RBFOX3: variants seen among roughly 807,000 people sequenced by gnomAD.
RBFOX3 encodes the protein RNA binding protein fox-1 homolog 3.
A neutral mutation model predicts 48.7 loss-of-function variants in RBFOX3; 17 were observed. That is an observed-to-expected ratio of 0.35 (90% CI 0.24 to 0.52). The LOEUF is 0.52. Among genes scored for constraint, RBFOX3 ranks in the 20% least tolerant of loss-of-function variants. The pLI is 0.94. For missense variants in RBFOX3, 382 were observed against 497.5 expected, an observed-to-expected ratio of 0.77 and a Z score of 2.21; for synonymous variants, 212 against 209.5, an observed-to-expected ratio of 1.01 and a Z score of -0.10.
chr17:79,497,884 G>A (rs1432528889), intron 1 of RBFOX3, among the ~76,000 whole-genome samples: 1 of 152,182 alleles, frequency 6.6e-6, no homozygotes, highest in African/African-American at 2.4e-5. Context: ...GGCTACTGCA[G>A]GACTCCAGGA....
intron 3 of RBFOX3, among the ~76,000 whole-genome samples, chr17:79,239,588 C>T (rs1292479804): frequency 6.6e-6 from 1 of 152,250 alleles, no homozygotes; most frequent in Non-Finnish European, 1.5e-5. Flanking sequence ...GACGGCGGGG[C>T]ACTGCACAAC....
chr17:79,415,774 CA>C (rs773536840), intron 2 of RBFOX3, among the ~76,000 whole-genome samples: 73 of 152,228 alleles, frequency 4.8e-4, no homozygotes, highest in Non-Finnish European at 7.5e-4. Flanking sequence ...CTGGGGGAGG[CA>C]GAGTCTGTGT....
chr17:79,533,619 G>T (rs868911605), intron 1 of RBFOX3, among the ~76,000 whole-genome samples: 1 of 152,222 alleles, frequency 6.6e-6, no homozygotes, highest in African/African-American at 2.4e-5. Context: ...GATACCCCGC[G>T]ATGGGGAAGG....
At chr17:79,444,289 G>C (rs1364351704) in intron 2 of RBFOX3, among the ~76,000 whole-genome samples, 1 of 152,090 alleles carries the variant, frequency 6.6e-6, no homozygotes, top group African/African-American at 2.4e-5. Context: ...GTGGGTTGGG[G>C]GCCAGCAAGA....
chr17:79,610,620 G>A (rs1425837067), intron 1 of RBFOX3, among the ~76,000 whole-genome samples: 2 of 151,846 alleles, frequency 1.3e-5, no homozygotes, highest in African/African-American at 2.4e-5. Context: ...AGGGACCCAG[G>A]GACCCCGACC....
intron 2 of RBFOX3, among the ~76,000 whole-genome samples, chr17:79,351,505 G>T (rs1239051397): frequency 6.6e-6 from 1 of 152,132 alleles, no homozygotes; most frequent in Non-Finnish European, 1.5e-5. Flanking sequence ...CTTCAATCTT[G>T]CTGTCTTTTC....
At chr17:79,269,364 C>T (rs2067270257) in intron 3 of RBFOX3, among the ~76,000 whole-genome samples, 3 of 152,124 alleles carry the variant, frequency 2.0e-5, no homozygotes, top group Admixed American at 2.0e-4. Flanking sequence ...ATTACGGTGG[C>T]CCCAGGAAAC....
At chr17:79,129,460 G>A (rs914711416) in intron 4 of RBFOX3, among the ~76,000 whole-genome samples, 1 of 103,898 alleles carries the variant, frequency 9.6e-6, no homozygotes, top group African/African-American at 3.2e-5. Context: ...GTGGGCAGCA[G>A]GACAACGCTC....
At chr17:79,104,364 C>T (rs541494206) in intron 6 of RBFOX3, among the ~76,000 whole-genome samples, 1 of 152,214 alleles carries the variant, frequency 6.6e-6, no homozygotes, top group South Asian at 2.1e-4. Flanking sequence ...CAAGAGGGTC[C>T]TTGGTGTGGT....
intron 3 of RBFOX3, among the ~76,000 whole-genome samples, chr17:79,266,243 G>A (rs1015887097): frequency 1.3e-5 from 2 of 152,178 alleles, no homozygotes; most frequent in Non-Finnish European, 2.9e-5. Context: ...CAGCTGATGT[G>A]GGAGCCTGGA....
intron 3 of RBFOX3, among the ~76,000 whole-genome samples, chr17:79,253,605 TTGCTGCTTCCAGGAGG>T (rs2064321441): frequency 6.6e-6 from 1 of 152,138 alleles, no homozygotes; most frequent in Non-Finnish European, 1.5e-5. Context: ...CAGCCCTGAG[TTGCTGCTTCCAGGAGG>T]TGCTGCTGGT....
intron 1 of RBFOX3, among the ~76,000 whole-genome samples, chr17:79,574,983 G>A (rs1158517313): frequency 6.6e-6 from 1 of 152,216 alleles, no homozygotes; most frequent in African/African-American, 2.4e-5. Context: ...CTGGTCCAAG[G>A]ATCGCACTTT....
intron 12 of RBFOX3, among the ~76,000 whole-genome samples, chr17:79,096,272 C>G (rs2075236711): frequency 6.6e-6 from 1 of 152,168 alleles, no homozygotes; most frequent in Non-Finnish European, 1.5e-5. Flanking sequence ...CCCAGGGGCC[C>G]TGCCTCCTGG....
At position 79,392,063 on chromosome 17, in the gene RBFOX3, T is replaced by C. The variant is rs2061441388; in HGVS notation, c.-174-84239A>G. 6.6e-6 allele frequency among the ~76,000 whole-genome samples: 1 copy of C among 152,194 alleles called. No homozygotes were observed. Among genetic ancestry groups the C allele is most frequent in the Admixed American group, 6.5e-5 (1 of 15,284 alleles). On this transcript the variant is annotated intron_variant, in intron 2 of 14. Transcript: ENST00000693108. The surrounding 1 kb of genome is among the most constrained non-coding windows in gnomAD (Gnocchi z 5.0). The stretch of plus-strand genomic sequence containing the variant: ...ACACCGACAAGCAACAGGGTTCCCA[T>C]AGTGCCCGGGCACTTCGGACCCGCT...
intron 1 of RBFOX3, among the ~76,000 whole-genome samples, chr17:79,576,673 T>C (rs2092872364): frequency 1.3e-5 from 2 of 150,390 alleles, no homozygotes; most frequent in South Asian, 4.2e-4. Context: ...TTGGAGATGA[T>C]GGAGAAGGCG....
chr17:79,524,214 G>A (rs954655008), intron 1 of RBFOX3, among the ~76,000 whole-genome samples: 366 of 152,318 alleles, frequency 2.4e-3, no homozygotes, highest in South Asian at 7.2e-3. Context: ...TTTGGCAAAA[G>A]GGTACTGCAG....
chr17:79,456,327 T>C (rs1290434406), intron 2 of RBFOX3, among the ~76,000 whole-genome samples: 1 of 152,108 alleles, frequency 6.6e-6, no homozygotes, highest in Non-Finnish European at 1.5e-5. Flanking sequence ...CCAGGCACCA[T>C]GGACATCTGG....
intron 3 of RBFOX3, among the ~76,000 whole-genome samples, chr17:79,297,975 GGT>G (rs2145200045): frequency 6.6e-6 from 1 of 152,308 alleles, no homozygotes; most frequent in African/African-American, 2.4e-5. Flanking sequence ...GTCCCATTCT[GGT>G]AGCTTCTCCT....
chr17:79,387,510 C>T (rs2060719954), intron 2 of RBFOX3, among the ~76,000 whole-genome samples: 1 of 152,222 alleles, frequency 6.6e-6, no homozygotes, highest in Admixed American at 6.5e-5. Context: ...CAGGGTCCCA[C>T]CGTCTTCACT....
Sources: gnomAD v4.1 joint callset for allele counts (sites outside exome capture counted in the v4.1 genomes callset) on GRCh38, gnomAD v4.1.1 for gene constraint, Gnocchi (gnomAD v3.1) non-coding constraint, MANE v1.5 for transcripts, NCBI Gene and HGNC (gene_info 2026-07-23, HGNC 2026-07-21) for gene names.